RPS6KA2: variants seen among roughly 807,000 people sequenced by gnomAD.
RPS6KA2 encodes the protein ribosomal protein S6 kinase alpha-2.
RPS6KA2 carries 42 observed loss-of-function variants against 91.8 expected under a neutral mutation model. That is an observed-to-expected ratio of 0.46 (90% CI 0.36 to 0.59). The LOEUF (loss-of-function observed/expected upper bound fraction) is 0.59, where lower values mean the gene tolerates loss of function less well. Ranked by LOEUF, RPS6KA2 falls within the 20% of genes least tolerant of loss-of-function variation. The probability of loss-of-function intolerance (pLI) is 0.00; values close to 1 mark genes in which losing one functional copy is unlikely to be tolerated. For missense variants in RPS6KA2, 798 were observed against 978.5 expected (o/e 0.82, Z 2.46); for synonymous variants, 414 against 393.6 (o/e 1.05, Z -0.61).
At chr6:166,450,643 G>T (rs1269670869) in intron 13 of RPS6KA2, among the ~76,000 whole-genome samples, 4 of 143,870 alleles carry the variant, frequency 2.8e-5, no homozygotes, top group African/African-American at 1.0e-4. Flanking sequence ...CCACCCCAGG[G>T]ACCACCCTGG....
At chr6:166,637,827 C>A (rs1386673113) in intron 2 of RPS6KA2, among the ~76,000 whole-genome samples, 6 of 152,224 alleles carry the variant, frequency 3.9e-5, no homozygotes, top group Non-Finnish European at 8.8e-5. Flanking sequence ...CATAAGACCC[C>A]GTGTCTCAGC....
intron 20 of RPS6KA2, among the ~76,000 whole-genome samples, 159 bp downstream of exon 20, chr6:166,413,635 G>C (rs1468321525): frequency 6.6e-6 from 1 of 152,234 alleles, no homozygotes; most frequent in Admixed American, 6.5e-5. Context: ...CACGTGTCTG[G>C]TGAAGTGCAC....
At chr6:166,472,668 C>T (rs75438335) in intron 10 of RPS6KA2, among the ~76,000 whole-genome samples, 5 of 152,268 alleles carry the variant, frequency 3.3e-5, no homozygotes, top group Admixed American at 1.3e-4. Flanking sequence ...ACTTTGCACT[C>T]GGCTCCCCCT....
chr6:166,727,749 T>C (rs112508262), intron 2 of RPS6KA2, among the ~76,000 whole-genome samples: 23 of 152,138 alleles, frequency 1.5e-4, no homozygotes, highest in African/African-American at 4.1e-4. Context: ...AGCAACCTAA[T>C]GTGGCCCCCT....
intron 1 of RPS6KA2, among the ~76,000 whole-genome samples, chr6:166,575,109 C>G (rs1403323806): frequency 5.3e-5 from 8 of 152,236 alleles, no homozygotes; most frequent in African/African-American, 1.9e-4. Context: ...ACCAACAAAA[C>G]TAGACATGCA....
At chr6:166,830,367 G>C (rs912898084) in intron 2 of RPS6KA2, among the ~76,000 whole-genome samples, 6 of 152,136 alleles carry the variant, frequency 3.9e-5, no homozygotes, top group African/African-American at 1.4e-4. Context: ...GGAGAACAGA[G>C]AGTTGGTTAG....
chr6:166,774,307 A>G (rs1006277183), intron 2 of RPS6KA2, among the ~76,000 whole-genome samples: 2 of 152,244 alleles, frequency 1.3e-5, no homozygotes, highest in African/African-American at 4.8e-5. Flanking sequence ...ACATTTAGAC[A>G]GTCATGGTCA....
intron 3 of RPS6KA2, among the ~76,000 whole-genome samples, chr6:166,518,664 G>A (rs551355661): frequency 7.0e-4 from 106 of 152,332 alleles, no homozygotes; most frequent in African/African-American, 2.5e-3. Context: ...TATATGTTGA[G>A]TTTAGGGTGG....
At chr6:166,802,735 C>T (rs6923398) in intron 2 of RPS6KA2, among the ~76,000 whole-genome samples, 1,908 of 152,116 alleles carry the variant, frequency 0.013, 41 homozygotes, top group African/African-American at 0.04. Context: ...ATTCCTCGGA[C>T]GAAACTACAT....
intron 12 of RPS6KA2, among the ~76,000 whole-genome samples, chr6:166,457,722 C>G (rs1780149520): frequency 6.6e-6 from 1 of 152,140 alleles, no homozygotes; most frequent in Non-Finnish European, 1.5e-5. Context: ...AAAAGCCCCG[C>G]AACCCTCCCT....
rs115358208 is a variant in RPS6KA2 at position 166,623,011 on chromosome 6, C to T, written c.99+3910G>A. Among the ~76,000 whole-genome samples the T allele has an allele frequency of 5.8e-3, 876 of 152,326 alleles. 8 individuals are homozygous for T. Among genetic ancestry groups the T allele is most frequent in the African/African-American group, 0.02 (825 of 41,584 alleles). On this transcript the variant is annotated intron_variant, in intron 1 of 20. Coordinates refer to ENST00000265678, the MANE Select transcript of RPS6KA2 (RefSeq NM_021135.6). ...CAATTGAGCAAATAGATAAATAAAA[C>T]GAAATTCTCCTTCCACTCAGCAGTT... is the stretch of plus-strand genomic sequence containing the variant.
chr6:166,744,423 C>T (rs757138414), intron 2 of RPS6KA2, among the ~76,000 whole-genome samples: 8 of 152,208 alleles, frequency 5.3e-5, no homozygotes, highest in African/African-American at 7.2e-5. Flanking sequence ...CGTTGCTGCC[C>T]GCTGAGGCCT....
At chr6:166,644,578 T>C (rs1167977284) in intron 2 of RPS6KA2, among the ~76,000 whole-genome samples, 2 of 152,178 alleles carry the variant, frequency 1.3e-5, no homozygotes, top group Non-Finnish European at 2.9e-5. Flanking sequence ...TGCGTGAAAG[T>C]ATATTGCAAA....
chr6:166,599,544 G>A (rs747263211), intron 1 of RPS6KA2, among the ~76,000 whole-genome samples: 237 of 152,292 alleles, frequency 1.6e-3, no homozygotes, highest in Non-Finnish European at 6.5e-4. Flanking sequence ...TCTCATTAGC[G>A]CCAGGGGAAG....
chr6:166,738,607 T>G (rs1245800126), intron 2 of RPS6KA2, among the ~76,000 whole-genome samples: 1 of 152,212 alleles, frequency 6.6e-6, no homozygotes, highest in Non-Finnish European at 1.5e-5. Flanking sequence ...TTGACTCATT[T>G]AACTGTCCCC....
intron 2 of RPS6KA2, among the ~76,000 whole-genome samples, chr6:166,778,356 T>A (rs1778680886): frequency 6.6e-6 from 1 of 152,236 alleles, no homozygotes; most frequent in African/African-American, 2.4e-5. Flanking sequence ...AAGGCCAGAA[T>A]GTGAAAAAAC....
intron 2 of RPS6KA2, among the ~76,000 whole-genome samples, chr6:166,762,661 C>T (rs1034823659): frequency 3.3e-5 from 5 of 152,150 alleles, no homozygotes; most frequent in African/African-American, 4.8e-5. Context: ...TGTTTGCTCC[C>T]AGTTCACAGG....
At position 166,600,604 on chromosome 6, in the gene RPS6KA2, T is replaced by A. The variant is rs556719469; in HGVS notation, c.99+26317A>T. On this transcript the variant is annotated intron_variant, in intron 1 of 20. Transcript: ENST00000265678. Reference sequence around the variant, plus strand: ...GGAAGTCCACCTGATTATCTTTGAATAAGAACCTACGAGAGTCTAAAAACT... The same window carrying A: ...GGAAGTCCACCTGATTATCTTTGAAAAAGAACCTACGAGAGTCTAAAAACT... Among the ~76,000 whole-genome samples, 7 of 152,360 alleles carry A rather than the reference T, an allele frequency of 4.6e-5. No individual in the cohort carries two copies. The South Asian group carries it at 1.2e-3, about 27-fold the overall frequency.
At chr6:166,747,469 C>T (rs1419576387) in intron 2 of RPS6KA2, among the ~76,000 whole-genome samples, 1 of 152,228 alleles carries the variant, frequency 6.6e-6, no homozygotes, top group Non-Finnish European at 1.5e-5. Context: ...CGACAATGTT[C>T]TACAACATCC....
Sources: allele counts gnomAD v4.1 joint callset (sites outside exome capture counted in the v4.1 genomes callset), GRCh38; gene constraint gnomAD v4.1.1; transcripts MANE v1.5; gene names NCBI Gene and HGNC (gene_info 2026-07-23, HGNC 2026-07-21).